THADA: variants seen among roughly 807,000 people sequenced by gnomAD.
THADA encodes THADA armadillo repeat containing, also known as tRNA (32-2'-O)-methyltransferase regulator THADA.
A neutral mutation model predicts 219.8 loss-of-function variants in THADA; 213 were observed. That is an observed-to-expected ratio of 0.97 (90% CI 0.87 to 1.09). The LOEUF is 1.09. Among genes scored for constraint, THADA ranks in the 50% least tolerant of loss-of-function variants. The probability of loss-of-function intolerance (pLI) is 0.00; values close to 1 mark genes in which losing one functional copy is unlikely to be tolerated. For missense variants in THADA, 2,956 were observed against 2,311.3 expected (o/e 1.28, Z -5.72); for synonymous variants, 1,018 against 828.9 (o/e 1.23, Z -3.92).
rs954719954 is a variant in THADA at position 43,333,901 on chromosome 2, A to G, written c.4343+10221T>C. On this transcript the variant is annotated intron_variant, in intron 30 of 37. Coordinates refer to ENST00000405975, the MANE Select transcript of THADA (RefSeq NM_022065.5). ...GAAGGAGCTAAAGGACAGTGGGAAAATGGAAGCAGACCTAAAACCCAGTAT... is the reference window on the plus strand; with the variant it reads ...GAAGGAGCTAAAGGACAGTGGGAAAGTGGAAGCAGACCTAAAACCCAGTAT... 2.6e-5 allele frequency among the ~76,000 whole-genome samples: 4 copies of G among 152,228 alleles called. No individual in the cohort carries two copies. In the South Asian group the frequency reaches 8.3e-4, roughly 31 times the overall value.
At chr2:43,439,637 ATTAG>A (rs1484238707) in intron 26 of THADA, among the ~76,000 whole-genome samples, 1 of 152,192 alleles carries the variant, frequency 6.6e-6, no homozygotes, top group Non-Finnish European at 1.5e-5. Flanking sequence ...CTATTTTATT[ATTAG>A]TTATTGTTGT....
chr2:43,580,118 G>A (rs1159044546), intron 8 of THADA, among the ~76,000 whole-genome samples: 4 of 147,418 alleles, frequency 2.7e-5, no homozygotes, highest in Non-Finnish European at 5.9e-5. Flanking sequence ...TCTGTCTCCC[G>A]GGTTCAACTG....
chr2:43,455,085 G>C (rs1365782061), intron 26 of THADA, among the ~76,000 whole-genome samples: 1 of 151,980 alleles, frequency 6.6e-6, no homozygotes. Context: ...TCTCCTTTCT[G>C]AACTTCTGTA....
intron 20 of THADA, among the ~76,000 whole-genome samples, chr2:43,546,079 G>C (rs1695989744): frequency 1.3e-5 from 2 of 149,642 alleles, no homozygotes; most frequent in South Asian, 4.4e-4. Flanking sequence ...TTGTGTCTTT[G>C]TTCTCGTTGG....
intron 17 of THADA, among the ~76,000 whole-genome samples, chr2:43,552,687 A>T (rs1696884106): frequency 6.6e-6 from 1 of 152,200 alleles, no homozygotes; most frequent in African/African-American, 2.4e-5. Flanking sequence ...CTTTTCTGAG[A>T]TGTAATTCAT....
At chr2:43,289,795 G>A (rs1674472936) in intron 34 of THADA, among the ~76,000 whole-genome samples, 1 of 151,852 alleles carries the variant, frequency 6.6e-6, no homozygotes, top group African/African-American at 2.4e-5. Flanking sequence ...GGGATTACGG[G>A]CGCATACCAC....
chr2:43,531,472 C>T (rs1471483107), intron 21 of THADA, among the ~76,000 whole-genome samples: 1 of 152,122 alleles, frequency 6.6e-6, no homozygotes, highest in African/African-American at 2.4e-5. Context: ...AAGGACAAGG[C>T]TACAAGGAAG....
rs144749350 is a variant in THADA, at chr2:43,483,486, C to A, written c.3836+1748G>T. 3.0e-3 allele frequency among the ~76,000 whole-genome samples: 451 copies of A among 152,198 alleles called. 4 individuals are homozygous for A. Among genetic ancestry groups the A allele is most frequent in the African/African-American group, 0.01 (433 of 41,548 alleles). ...CAGAAGCCTTGTACACATAATGGTC[C>A]ATACCGATCTTCAGATTACTAAAAT... On this transcript the variant is annotated intron_variant, in intron 26 of 37. Transcript: ENST00000405975.
chr2:43,275,986 G>A (rs1440433694), intron 36 of THADA, among the ~76,000 whole-genome samples: 1 of 152,218 alleles, frequency 6.6e-6, no homozygotes, highest in African/African-American at 2.4e-5. Context: ...GGTGGAAGAG[G>A]GTGGGGAGCT....
At chr2:43,423,474 T>G (rs1192348692) in intron 28 of THADA, among the ~76,000 whole-genome samples, 1 of 150,520 alleles carries the variant, frequency 6.6e-6, no homozygotes, top group Non-Finnish European at 1.5e-5. Flanking sequence ...GCTCTGTCAC[T>G]CAGGCTGGAG....
chr2:43,548,449 T>G (rs909854147), intron 20 of THADA, among the ~76,000 whole-genome samples: 36 of 152,208 alleles, frequency 2.4e-4, no homozygotes, highest in Non-Finnish European at 1.3e-4. Context: ...TCTTTTTGTT[T>G]GTTTGTGCCC....
chr2:43,457,667 A>G (rs764285617), intron 26 of THADA, among the ~76,000 whole-genome samples: 4 of 152,198 alleles, frequency 2.6e-5, no homozygotes, highest in Non-Finnish European at 5.9e-5. Context: ...TTTTATGACT[A>G]TACACCAAAA....
intron 26 of THADA, among the ~76,000 whole-genome samples, chr2:43,452,728 A>T (rs896778381): frequency 6.6e-6 from 1 of 152,208 alleles, no homozygotes; most frequent in Non-Finnish European, 1.5e-5. Context: ...CACTGAATTT[A>T]TGGGAGTAGA....
chr2:43,415,866 C>T (rs35234516), intron 28 of THADA, among the ~76,000 whole-genome samples: 33,795 of 152,032 alleles, frequency 0.22, 3,857 homozygotes, highest in South Asian at 0.31. Flanking sequence ...TGTTCAACCA[C>T]GCAGCAGAAT....
In THADA at chr2:43,230,900, TGGA is replaced by T. The variant is rs770370717; in HGVS notation, c.*45_*47del. 6.5e-7 allele frequency: 1 copy of T among 1,531,636 alleles called. No homozygotes were observed. Among genetic ancestry groups the T allele is most frequent in the Admixed American group, 2.1e-5 (1 of 47,322 alleles). 94.9% of individuals were successfully genotyped at this position (1,531,636 alleles called of 1,614,324 possible). On this transcript the variant is annotated 3_prime_UTR_variant, in exon 38 of 38. Coordinates refer to ENST00000405975, the MANE Select transcript of THADA (RefSeq NM_022065.5). ...TTCAACATGTTTCCTGCAGATTTAG[TGGA>T]GGAAAAATCCACACATACCCCCATC... is the stretch of plus-strand genomic sequence containing the variant.
intron 26 of THADA, among the ~76,000 whole-genome samples, chr2:43,438,951 T>A (rs1156257782): frequency 6.6e-6 from 1 of 152,248 alleles, no homozygotes; most frequent in African/African-American, 2.4e-5. Flanking sequence ...ACTGTACTCA[T>A]CCTACTTCTT....
intron 28 of THADA, among the ~76,000 whole-genome samples, chr2:43,421,415 G>A (rs1677704445): frequency 6.6e-6 from 1 of 152,196 alleles, no homozygotes; most frequent in Non-Finnish European, 1.5e-5. Flanking sequence ...ACCAGGTAGA[G>A]TGCTGGCCAG....
At chr2:43,590,569 C>T (rs894768625) in intron 4 of THADA, among the ~76,000 whole-genome samples, 6 of 146,924 alleles carry the variant, frequency 4.1e-5, no homozygotes, top group African/African-American at 1.0e-4. Flanking sequence ...GGCGTGAACC[C>T]GGGAGGCAGA....
At chr2:43,590,330 C>T (rs1574398141) in intron 4 of THADA, among the ~76,000 whole-genome samples, 1 of 152,040 alleles carries the variant, frequency 6.6e-6, no homozygotes, top group Non-Finnish European at 1.5e-5. Context: ...CAAACTACAG[C>T]CCACAGCCTG....
Sources: gnomAD v4.1 joint callset for allele counts (sites outside exome capture counted in the v4.1 genomes callset) on GRCh38, gnomAD v4.1.1 for gene constraint, MANE v1.5 for transcripts, NCBI Gene and HGNC (gene_info 2026-07-23, HGNC 2026-07-21) for gene names.